DIAPH2: variants seen among roughly 807,000 people sequenced by gnomAD.
DIAPH2 encodes the protein diaphanous related formin 2, also known as protein diaphanous homolog 2.
In DIAPH2, 35 loss-of-function variants were observed where a neutral mutation model predicts 92.7. That is an observed-to-expected ratio of 0.38 (90% CI 0.29 to 0.50). The LOEUF (loss-of-function observed/expected upper bound fraction) is 0.50, where lower values mean the gene tolerates loss of function less well. Among genes scored for constraint, DIAPH2 ranks in the 20% least tolerant of loss-of-function variants. DIAPH2 has a pLI of 0.94. For missense variants in DIAPH2, 701 were observed against 819.5 expected (o/e 0.86, Z 1.77); for synonymous variants, 301 against 280.4 (o/e 1.07, Z -0.73).
chrX:96,708,426 G>C (rs1323016854), intron 1 of DIAPH2, among the ~76,000 whole-genome samples: 5 of 109,746 alleles, frequency 4.6e-5, no homozygotes, highest in Non-Finnish European at 3.8e-5. Context: ...ATTTTTAGTA[G>C]AGATAGGGTT....
intron 26 of DIAPH2, among the ~76,000 whole-genome samples, chrX:97,507,367 AT>A (rs2147833865): frequency 9.0e-6 from 1 of 110,764 alleles, no homozygotes; most frequent in African/African-American, 3.3e-5. Context: ...AAAATGTTGC[AT>A]TTTTTAAATC....
chrX:97,582,877 T>C (rs2071450178), intron 26 of DIAPH2, among the ~76,000 whole-genome samples: 1 of 111,250 alleles, frequency 9.0e-6, no homozygotes, highest in Admixed American at 9.5e-5. Context: ...TCGTTTCTTT[T>C]TATTCTTTTT....
chrX:96,885,680 A>G (rs1197094276), intron 5 of DIAPH2, among the ~76,000 whole-genome samples: 1 of 110,073 alleles, frequency 9.1e-6, no homozygotes, highest in African/African-American at 3.4e-5. Flanking sequence ...TCTTAAAATA[A>G]GATTATACTG....
At chrX:97,088,802 C>T (rs1335041477) in intron 19 of DIAPH2, among the ~76,000 whole-genome samples, 3 of 111,874 alleles carry the variant, frequency 2.7e-5, no homozygotes, top group Non-Finnish European at 3.8e-5. Context: ...TTTTGATTAA[C>T]GCTTCGTTCT....
intron 22 of DIAPH2, among the ~76,000 whole-genome samples, chrX:97,221,242 T>G (rs2067922395): frequency 8.9e-6 from 1 of 112,134 alleles, no homozygotes; most frequent in Admixed American, 9.5e-5. Context: ...GTGTCTACAG[T>G]GTCCTTAGAG....
Position 97,118,288 on chromosome X carries a change from C to A in DIAPH2, c.2589+3323C>A, listed in dbSNP as rs958643369. ...GCCTTTGGGATATATCAGCTCCAAC[C>A]ATTTTCCTTCTCCTTTCCCTATGTT... On this transcript the variant is annotated intron_variant, in intron 21 of 26. Coordinates refer to ENST00000324765, the MANE Select transcript of DIAPH2 (RefSeq NM_006729.5). 2.7e-5 allele frequency among the ~76,000 whole-genome samples: 3 copies of A among 111,722 alleles called. No individual in the cohort carries two copies. The South Asian group carries it at 1.1e-3, about 42-fold the overall frequency.
intron 26 of DIAPH2, among the ~76,000 whole-genome samples, chrX:97,540,008 G>A (rs2071127558): frequency 8.9e-6 from 1 of 111,784 alleles, no homozygotes; most frequent in African/African-American, 3.2e-5. Flanking sequence ...GCAAAGAAAT[G>A]CCACTGGATA....
intron 26 of DIAPH2, among the ~76,000 whole-genome samples, chrX:97,589,476 C>T (rs2071502866): frequency 9.1e-6 from 1 of 109,855 alleles, no homozygotes; most frequent in Admixed American, 9.8e-5. Context: ...GCCTTTTTCA[C>T]CTTATCATAT....
intron 22 of DIAPH2, among the ~76,000 whole-genome samples, chrX:97,174,774 G>T (rs1022017656): frequency 9.0e-6 from 1 of 111,484 alleles, no homozygotes; most frequent in African/African-American, 3.3e-5. Flanking sequence ...AATTATTTTT[G>T]ATTGATCCTG....
At chrX:97,194,694 A>T (rs1005821957) in intron 22 of DIAPH2, among the ~76,000 whole-genome samples, 10 of 112,047 alleles carry the variant, frequency 8.9e-5, no homozygotes, top group Non-Finnish European at 1.7e-4. Flanking sequence ...TAGTATTGTT[A>T]TAGAGTTTAA....
chrX:96,739,367 T>A (rs1198520192), intron 3 of DIAPH2, among the ~76,000 whole-genome samples: 1 of 111,738 alleles, frequency 8.9e-6, no homozygotes, highest in African/African-American at 3.3e-5. Flanking sequence ...TTAAACCGTA[T>A]TACATTGTTA....
chrX:97,006,804 A>G (rs2066186115), intron 17 of DIAPH2, among the ~76,000 whole-genome samples: 1 of 110,639 alleles, frequency 9.0e-6, no homozygotes, highest in Non-Finnish European at 1.9e-5. Context: ...TACTCCTACC[A>G]TTTTGTTATA....
intron 22 of DIAPH2, among the ~76,000 whole-genome samples, chrX:97,162,017 GTATCTCTT>G (rs1380913880): frequency 6.3e-5 from 7 of 111,079 alleles, no homozygotes. Flanking sequence ...GCATCTCTTA[GTATCTCTT>G]TATTATTGCT....
At chrX:97,588,996 A>AATAAATATATATATATATAT (rs2071496705) in intron 26 of DIAPH2, among the ~76,000 whole-genome samples, 3 of 31,721 alleles carry the variant, frequency 9.5e-5, no homozygotes, top group Non-Finnish European at 2.0e-4. Context: ...ATATTATAGA[A>AATAAATATATATATATATAT]ATATATATAT....
chrX:97,044,400 C>G (rs1382043328), intron 17 of DIAPH2, among the ~76,000 whole-genome samples: 1 of 111,361 alleles, frequency 9.0e-6, no homozygotes, highest in Non-Finnish European at 1.9e-5. Context: ...ACACACCACA[C>G]AAACACTTAG....
At chrX:97,217,458 G>T (rs994392550) in intron 22 of DIAPH2, among the ~76,000 whole-genome samples, 14 of 111,501 alleles carry the variant, frequency 1.3e-4, no homozygotes, top group Admixed American at 8.6e-4. Context: ...TTCTAAAGCT[G>T]TTCTGCTGGC....
chrX:96,818,765 A>T (rs2064757544), intron 4 of DIAPH2, among the ~76,000 whole-genome samples: 1 of 112,568 alleles, frequency 8.9e-6, no homozygotes, highest in African/African-American at 3.2e-5. Flanking sequence ...ATAATGTTAC[A>T]AAACTAGTCT....
At chrX:97,067,050 T>C (rs1246883013) in intron 17 of DIAPH2, among the ~76,000 whole-genome samples, 2 of 111,389 alleles carry the variant, frequency 1.8e-5, no homozygotes, top group Admixed American at 1.9e-4. Flanking sequence ...TGTGCAGCTG[T>C]AGGCAACATG....
intron 23 of DIAPH2, among the ~76,000 whole-genome samples, chrX:97,289,842 A>G (rs2068575219): frequency 9.2e-6 from 1 of 109,223 alleles, no homozygotes; most frequent in Admixed American, 1.0e-4. Flanking sequence ...CTCCTGCCTC[A>G]GCCTCCCGAG....
Sources: allele counts gnomAD v4.1 joint callset (sites outside exome capture counted in the v4.1 genomes callset), GRCh38; gene constraint gnomAD v4.1.1; transcripts MANE v1.5; gene names NCBI Gene and HGNC (gene_info 2026-07-23, HGNC 2026-07-21).